Variants in UBAC2 observed in about 807,000 individuals in gnomAD.
The protein encoded by UBAC2 is UBA domain containing 2.
Under a neutral mutation model 44.0 loss-of-function variants are expected in UBAC2, and 26 were observed. That is an observed-to-expected ratio of 0.59 (90% CI 0.43 to 0.82). The LOEUF is 0.82. Ranked by LOEUF, UBAC2 falls within the 40% of genes least tolerant of loss-of-function variation. UBAC2 has a pLI of 0.00. For missense variants in UBAC2, 329 were observed against 419.4 expected (o/e 0.78, Z 1.88); for synonymous variants, 155 against 154.3 (o/e 1.00, Z -0.04).
At position 99,280,635 on chromosome 13, in the gene UBAC2, TAC is replaced by T. The variant is rs560637939; in HGVS notation, c.390-33461_390-33460del. On this transcript the variant is annotated intron_variant, in intron 4 of 8. Transcript: ENST00000403766. ...GGATGCTTTTGAAAGAGCAGGATCT[TAC>T]TCTCTCTTACAGCTCCCTCAGCATG... 1.3e-3 allele frequency among the ~76,000 whole-genome samples: 203 copies of T among 152,342 alleles called. 1 individual carries two copies. Among genetic ancestry groups the T allele is most frequent in the African/African-American group, 4.8e-3 (198 of 41,574 alleles).
At chr13:99,341,421 G>T (rs78698476) in intron 7 of UBAC2, among the ~76,000 whole-genome samples, 314 of 30,006 alleles carry the variant, frequency 0.01, no homozygotes, top group African/African-American at 0.016. Flanking sequence ...TTATATCAGG[G>T]GGGGGGAGGA....
At chr13:99,351,436 C>T (rs946758422) in intron 7 of UBAC2, 6 of 424,130 alleles carry the variant, frequency 1.4e-5, no homozygotes, top group Non-Finnish European at 2.8e-5. Context: ...TGATCTCTTG[C>T]CTCTTTATCT....
chr13:99,217,547 G>A (rs1566451522), intron 1 of UBAC2, among the ~76,000 whole-genome samples: 1 of 152,158 alleles, frequency 6.6e-6, no homozygotes, highest in African/African-American at 2.4e-5. Flanking sequence ...GGTTGAGTCC[G>A]ACTTCTTGGG....
chr13:99,367,847 T>C lies in UBAC2; in HGVS notation c.868T>C (p.Tyr290His). The C allele has an allele frequency of 6.2e-7, 1 of 1,613,986 alleles. No individual in the cohort carries two copies. The highest frequency in any genetic ancestry group is 8.5e-7 in the Non-Finnish European group (1 of 1,179,864). The change falls in exon 8 of 9, where the codon TAT becomes CAT. Residue 290 changes from tyrosine (Y) to histidine (H), a missense_variant. By Grantham distance (83) the Tyr-to-His change is moderately conservative. Transcript: ENST00000403766. ...TTTACGTCAGCGACAAAACGTAAACTATCAGGGCGGTCGGCAGTCTGAGCC... is the reference window on the plus strand; with the variant it reads ...TTTACGTCAGCGACAAAACGTAAACCATCAGGGCGGTCGGCAGTCTGAGCC... ...PPLRQRQNVN[Y>H]QGGRQSEPAA...
intron 1 of UBAC2, among the ~76,000 whole-genome samples, chr13:99,219,716 C>T (rs1014375240): frequency 3.3e-5 from 5 of 152,120 alleles, no homozygotes; most frequent in Non-Finnish European, 7.4e-5. Context: ...GCCGTCATGC[C>T]CTATTACCTT....
At chr13:99,247,001 T>A (rs1405798661) in intron 4 of UBAC2, among the ~76,000 whole-genome samples, 1 of 152,142 alleles carries the variant, frequency 6.6e-6, no homozygotes, top group Admixed American at 6.5e-5. Flanking sequence ...TAAAAACATT[T>A]TTATTATTAT....
At chr13:99,311,275 A>G (rs1246357468) in intron 4 of UBAC2, among the ~76,000 whole-genome samples, 2 of 152,110 alleles carry the variant, frequency 1.3e-5, no homozygotes, top group Non-Finnish European at 2.9e-5. Flanking sequence ...GAGAATGCAG[A>G]GGGGGAAGGC....
chr13:99,348,725 G>A (rs2045031402), intron 7 of UBAC2, among the ~76,000 whole-genome samples: 1 of 152,304 alleles, frequency 6.6e-6, no homozygotes, highest in Admixed American at 6.5e-5. Context: ...AAGGGATGAC[G>A]GTAGGCTGGC....
intron 4 of UBAC2, among the ~76,000 whole-genome samples, chr13:99,274,385 G>A (rs887315156): frequency 1.3e-5 from 2 of 151,556 alleles, no homozygotes; most frequent in Non-Finnish European, 2.9e-5. Context: ...AGGCTGGAGT[G>A]CAGTGGCATG....
intron 1 of UBAC2, among the ~76,000 whole-genome samples, chr13:99,235,560 C>T (rs886128746): frequency 1.3e-5 from 2 of 152,100 alleles, no homozygotes; most frequent in Non-Finnish European, 2.9e-5. Context: ...GCAGGATACT[C>T]ACATAAAAAC....
intron 4 of UBAC2, among the ~76,000 whole-genome samples, chr13:99,304,476 T>G (rs1299778138): frequency 6.6e-6 from 1 of 152,220 alleles, no homozygotes; most frequent in Non-Finnish European, 1.5e-5. Flanking sequence ...GACCCTATGG[T>G]GTTAATTTCT....
chr13:99,234,659 C>G (rs1566459619), intron 1 of UBAC2, among the ~76,000 whole-genome samples: 1 of 152,210 alleles, frequency 6.6e-6, no homozygotes, highest in African/African-American at 2.4e-5. Flanking sequence ...GCCCCAGGTC[C>G]TTTCCCTTCT....
At chr13:99,321,395 G>C (rs2044566710) in intron 6 of UBAC2, among the ~76,000 whole-genome samples, 1 of 152,148 alleles carries the variant, frequency 6.6e-6, no homozygotes, top group African/African-American at 2.4e-5. Flanking sequence ...TGCAACCACT[G>C]CCTCCCGGGT....
At position 99,367,794 on chromosome 13, in the gene UBAC2, T is replaced by C. The variant is rs981728922; in HGVS notation, c.815T>C (p.Met272Thr). ...GRRQRQQQGG[M>T]INWNRLFPPL... ...GTGTTGATCTCTTTTTAGGGAGGAA[T>C]GATCAATTGGAATCGTCTTTTTCCT... Residue 272 changes from methionine to threonine, a missense_variant, in exon 8 of 9, where the codon ATG (methionine) becomes ACG (threonine). Met to Thr is a moderately conservative substitution (Grantham distance 81, BLOSUM62 -1). Coordinates refer to ENST00000403766, the MANE Select transcript of UBAC2 (RefSeq NM_001144072.2). 6 of 1,613,156 alleles carry C rather than the reference T, an allele frequency of 3.7e-6. No individual in the cohort carries two copies. The South Asian group carries it at 4.4e-5, about 12-fold the overall frequency.
chr13:99,342,927 G>A (rs537326014), intron 7 of UBAC2, among the ~76,000 whole-genome samples: 32 of 152,336 alleles, frequency 2.1e-4, no homozygotes, highest in South Asian at 2.1e-4. Flanking sequence ...TCATGCAGCC[G>A]TTTCTTTCAG....
chr13:99,354,862 C>T (rs1017850333), intron 7 of UBAC2, among the ~76,000 whole-genome samples: 2 of 152,076 alleles, frequency 1.3e-5, no homozygotes, highest in African/African-American at 2.4e-5. Context: ...GGCATAATCT[C>T]GGAGTGCAAC....
rs974121008 is a variant in UBAC2 at position 99,203,199 on chromosome 13, G to T, written c.31+2260G>T. ...TTACAGGTGCCCACCATCACACCTG[G>T]CTATTTTTGTATTTTTAGTAGAGAC... On this transcript the variant is annotated intron_variant, in intron 1 of 8. Transcript: ENST00000403766. Among the ~76,000 whole-genome samples, 3 of 151,950 alleles carry T rather than the reference G, an allele frequency of 2.0e-5. No individual in the cohort carries two copies. The South Asian group carries it at 6.2e-4, about 31-fold the overall frequency.
intron 4 of UBAC2, among the ~76,000 whole-genome samples, chr13:99,263,111 T>C (rs2043691812): frequency 6.6e-6 from 1 of 152,214 alleles, no homozygotes; most frequent in Non-Finnish European, 1.5e-5. Flanking sequence ...TTTTGCATTA[T>C]AATATTATAC....
chr13:99,365,612 A>G (rs1013688540), intron 7 of UBAC2, among the ~76,000 whole-genome samples: 6 of 152,130 alleles, frequency 3.9e-5, no homozygotes, highest in African/African-American at 1.4e-4. Flanking sequence ...TAATTGCATT[A>G]TGGTGAGAAT....
Sources: gnomAD v4.1 joint callset for allele counts (sites outside exome capture counted in the v4.1 genomes callset) on GRCh38, gnomAD v4.1.1 for gene constraint, MANE v1.5 for transcripts, NCBI Gene and HGNC (gene_info 2026-07-23, HGNC 2026-07-21) for gene names.